Variants in DIP2B observed in about 807,000 individuals in gnomAD.
DIP2B encodes disco-interacting protein 2 homolog B.
A neutral mutation model predicts 198.0 loss-of-function variants in DIP2B; 76 were observed. That is an observed-to-expected ratio of 0.38 (90% confidence interval 0.32 to 0.46). The LOEUF (loss-of-function observed/expected upper bound fraction) is 0.46, where lower values mean the gene tolerates loss of function less well. Among genes scored for constraint, DIP2B ranks in the 20% least tolerant of loss-of-function variants. DIP2B has a pLI of 0.99. For synonymous variants in DIP2B, 701 were observed against 739.1 expected (o/e 0.95, Z 0.84); for missense variants, 1,559 against 1,978.4 (o/e 0.79, Z 4.02).
In DIP2B at chr12:50,554,142, T is replaced by TG. The variant is rs371327121; in HGVS notation, c.100+48903dup. Among the ~76,000 whole-genome samples the TG allele has an allele frequency of 4.7e-3, 719 of 152,320 alleles. 8 individuals are homozygous for TG. Among genetic ancestry groups the TG allele is most frequent in the African/African-American group, 0.016 (680 of 41,564 alleles). ...AGATAACCTCTTTTACTTCCTTAAC[T>TG]GATTCTTTTTGGTTTTACCCTCATA... On this transcript the variant is annotated intron_variant, in intron 1 of 37. Coordinates refer to ENST00000301180, the MANE Select transcript of DIP2B (RefSeq NM_173602.3).
intron 1 of DIP2B, among the ~76,000 whole-genome samples, chr12:50,558,213 A>G (rs954774392): frequency 6.6e-6 from 1 of 152,168 alleles, no homozygotes; most frequent in Non-Finnish European, 1.5e-5. Flanking sequence ...AATATTCACA[A>G]ATTTCAAGAT....
intron 13 of DIP2B, among the ~76,000 whole-genome samples, chr12:50,691,583 T>G (rs1939222661): frequency 6.6e-6 from 1 of 152,252 alleles, no homozygotes; most frequent in African/African-American, 2.4e-5. Context: ...TAAACCACTA[T>G]TTGCCTCAGA....
intron 1 of DIP2B, among the ~76,000 whole-genome samples, chr12:50,600,053 A>G (rs962552928): frequency 2.0e-5 from 3 of 152,250 alleles, no homozygotes; most frequent in Non-Finnish European, 4.4e-5. Context: ...GCTACCTCAA[A>G]TGTCAGAGAT....
intron 36 of DIP2B, among the ~76,000 whole-genome samples, chr12:50,740,177 C>T (rs1940216509): frequency 6.6e-6 from 1 of 152,248 alleles, no homozygotes; most frequent in Non-Finnish European, 1.5e-5. Context: ...ATACCCAACA[C>T]TGACTATATC....
At chr12:50,551,454 T>C (rs1242164029) in intron 1 of DIP2B, among the ~76,000 whole-genome samples, 1 of 152,004 alleles carries the variant, frequency 6.6e-6, no homozygotes, top group Non-Finnish European at 1.5e-5. Flanking sequence ...TGTGTATGTG[T>C]GTATTTTGAG....
At chr12:50,671,662 TA>T (rs2139524478) in intron 5 of DIP2B, among the ~76,000 whole-genome samples, 1 of 152,350 alleles carries the variant, frequency 6.6e-6, no homozygotes, top group East Asian at 1.9e-4. Flanking sequence ...AGCTGCAAGA[TA>T]TAACACCAGT....
chr12:50,512,944 T>C (rs1462987707), intron 1 of DIP2B, among the ~76,000 whole-genome samples: 1 of 151,972 alleles, frequency 6.6e-6, no homozygotes, highest in African/African-American at 2.4e-5. Flanking sequence ...GAGGCGGAGG[T>C]TGCAGTGAGC....
At chr12:50,582,553 A>G (rs1401768732) in intron 1 of DIP2B, among the ~76,000 whole-genome samples, 2 of 152,176 alleles carry the variant, frequency 1.3e-5, no homozygotes, top group African/African-American at 4.8e-5. Context: ...TACTGGCTCC[A>G]TCTTAGCCCT....
At chr12:50,716,072 T>G (rs1047846436) in intron 23 of DIP2B, among the ~76,000 whole-genome samples, 1 of 152,232 alleles carries the variant, frequency 6.6e-6, no homozygotes, top group African/African-American at 2.4e-5. Context: ...TTTTATTGTT[T>G]TAAACTACTG....
At chr12:50,515,332 A>G (rs1199916902) in intron 1 of DIP2B, among the ~76,000 whole-genome samples, 1 of 151,752 alleles carries the variant, frequency 6.6e-6, no homozygotes, top group South Asian at 2.1e-4. Context: ...CTCCCGGGTT[A>G]AAACAATTCT....
intron 1 of DIP2B, among the ~76,000 whole-genome samples, chr12:50,579,370 T>C (rs1039162519): frequency 4.0e-5 from 6 of 151,734 alleles, no homozygotes; most frequent in Non-Finnish European, 7.4e-5. Flanking sequence ...CCCAACACTT[T>C]GGGAGGCCAA....
chr12:50,728,609 C>A lies in DIP2B; in HGVS notation c.3572C>A (p.Ser1191Tyr), dbSNP rs770046138. Residue 1191 changes from serine (S) to tyrosine (Y), a missense_variant, in exon 30 of 38, where the codon TCT becomes TAT. Transcript: ENST00000301180. Reference sequence around the variant, plus strand: ...ATCAAGCTCCAGTGTGAGTTGTACTCTTCTCGGCAGATCGCCATCTGCCTT... The same window carrying A: ...ATCAAGCTCCAGTGTGAGTTGTACTATTCTCGGCAGATCGCCATCTGCCTT... ...RAIKLQCELYSSRQIAICLDP... is the reference protein window; with the variant it reads ...RAIKLQCELYYSRQIAICLDP... 2 of 1,614,206 alleles carry A rather than the reference C, an allele frequency of 1.2e-6. No homozygotes were observed. The highest frequency in any genetic ancestry group is 1.7e-6 in the Non-Finnish European group (2 of 1,180,038).
chr12:50,722,469 G>A (rs940080313), intron 26 of DIP2B, among the ~76,000 whole-genome samples: 7 of 152,056 alleles, frequency 4.6e-5, no homozygotes, highest in East Asian at 1.9e-4. Flanking sequence ...GGCCAGGCTC[G>A]TCTCAAACTC....
At chr12:50,637,034 C>T (rs1352791002) in intron 2 of DIP2B, among the ~76,000 whole-genome samples, 1 of 152,140 alleles carries the variant, frequency 6.6e-6, no homozygotes, top group Non-Finnish European at 1.5e-5. Flanking sequence ...TTACTCACAG[C>T]TGCTCTAGCC....
At chr12:50,638,558 T>C (rs1251533136) in intron 2 of DIP2B, among the ~76,000 whole-genome samples, 2 of 152,242 alleles carry the variant, frequency 1.3e-5, no homozygotes, top group African/African-American at 4.8e-5. Context: ...TAGTTAAGTT[T>C]CATCTTTGCT....
chr12:50,530,907 A>G (rs574202439), intron 1 of DIP2B, among the ~76,000 whole-genome samples: 3 of 152,110 alleles, frequency 2.0e-5, no homozygotes, highest in Admixed American at 6.6e-5. Context: ...GGGACATGCA[A>G]ATGGAGATCT....
rs755673094 is a variant in DIP2B, at chr12:50,732,422, G to A, written c.3867G>A (p.Arg1289=). 1.9e-6 allele frequency: 3 copies of A among 1,614,202 alleles called. No homozygotes were observed. Among genetic ancestry groups the A allele is most frequent in the Non-Finnish European group, 2.5e-6 (3 of 1,180,038 alleles). The change falls in exon 32 of 38, where the codon AGG becomes AGA. Residue 1289 remains arginine (R), a synonymous_variant. Coordinates refer to ENST00000301180, the MANE Select transcript of DIP2B (RefSeq NM_173602.3). Reference sequence around the variant, plus strand: ...CCTGTGTGGTGGTGGCGGAGGAGAGGCCCCGCGTTGCACTCCAGCAGTCCT... The same window carrying A: ...CCTGTGTGGTGGTGGCGGAGGAGAGACCCCGCGTTGCACTCCAGCAGTCCT... ...VRTCVVVAEE[R]PRVALQQSFS...
Position 50,739,478 on chromosome 12 carries a change from G to A in DIP2B, c.4246G>A (p.Asp1416Asn). 6.2e-7 allele frequency: 1 copy of A among 1,614,168 alleles called. No homozygotes were observed. ...TIYDSETLQA[D>N]HFNTRLSFGD... ...CTATGATAGCGAGACTCTTCAAGCT[G>A]ATCATTTCAACACTCGCCTCAGCTT... The change falls in exon 36 of 38, where the codon GAT (aspartate) becomes AAT (asparagine). Residue 1416 changes from aspartate (D) to asparagine (N), a missense_variant. By Grantham distance (23) the Asp-to-Asn change is conservative (BLOSUM62 1). Coordinates refer to ENST00000301180, the MANE Select transcript of DIP2B (RefSeq NM_173602.3).
intron 10 of DIP2B, among the ~76,000 whole-genome samples, chr12:50,684,717 G>A (rs2264734): frequency 0.59 from 90,200 of 151,850 alleles, 27,731 homozygotes; most frequent in Non-Finnish European, 0.69. Flanking sequence ...GCTTGAACCC[G>A]GGAGGTGGAG....
Sources: allele counts gnomAD v4.1 joint callset (sites outside exome capture counted in the v4.1 genomes callset), GRCh38; gene constraint gnomAD v4.1.1; transcripts MANE v1.5; gene names NCBI Gene and HGNC (gene_info 2026-07-23, HGNC 2026-07-21).